The following MRPL46 variants were observed in gnomAD, a reference collection of about 807,000 sequenced individuals.
MRPL46 encodes large ribosomal subunit protein mL46.
MRPL46 carries 26 observed loss-of-function variants against 31.0 expected under a neutral mutation model. That is an observed-to-expected ratio of 0.84 (90% CI 0.61 to 1.16). The LOEUF (loss-of-function observed/expected upper bound fraction) is 1.16. MRPL46 is among the 50% of genes most tolerant of loss of function. The pLI is 0.00. For synonymous variants in MRPL46, 159 were observed against 141.3 expected (o/e 1.13, Z -0.89); for missense variants, 395 against 340.0 (o/e 1.16, Z -1.27).
In MRPL46 at chr15:88,463,319, T is replaced by C. The variant is rs1053774400; in HGVS notation, c.589+1384A>G. 1 of 152,212 alleles carries C rather than the reference T, an allele frequency of 6.6e-6. No homozygotes were observed. Among genetic ancestry groups the C allele is most frequent in the Non-Finnish European group, 1.5e-5 (1 of 68,036 alleles). The allele number at this position is 152,212 out of a possible 1,614,324, so 9.4% of individuals were successfully genotyped here. ...ATCCATTTAGTCAACATTCAACAAATGCCTATGTGCCAGGTACTTTGCTGA... is the reference window on the plus strand; with the variant it reads ...ATCCATTTAGTCAACATTCAACAAACGCCTATGTGCCAGGTACTTTGCTGA... On this transcript the variant is annotated intron_variant, in intron 3 of 3. Transcript: ENST00000312475. The surrounding 1 kb of genome is among the most constrained non-coding windows in gnomAD (Gnocchi z 5.4).
Position 88,459,838 on chromosome 15 carries a change from T to C in MRPL46, c.615A>G (p.Leu205=). ...LSENNMEAKF[L]GNAPCGHYTF... is the part of the protein sequence containing the mutation. ...TGTAGTGCCCACAGGGTGCATTTCC[T>C]AGGAACTTGGCTTCCATGTTGTTTT... Residue 205 remains leucine, a synonymous_variant, in exon 4 of 4, where the codon CTA becomes CTG. Coordinates refer to ENST00000312475, the MANE Select transcript of MRPL46 (RefSeq NM_022163.4). The C allele has an allele frequency of 1.9e-6, 3 of 1,614,096 alleles. No individual in the cohort carries two copies. Among genetic ancestry groups the C allele is most frequent in the East Asian group, 2.2e-5 (1 of 44,866 alleles).
Position 88,459,643 on chromosome 15 carries a change from G to C in MRPL46, c.810C>G (p.Ala270=), listed in dbSNP as rs201666039. ...GGTCTGAAACAAACCTCCTAACTTG[G>C]GCCAGGTATTTTGGTTTCAAATAGT... ...LGDYLKPKYL[A]QVRRFVSDL The change falls in exon 4 of 4, where the codon GCC becomes GCG. Residue 270 remains alanine (A), a synonymous_variant. Transcript: ENST00000312475. 6.2e-7 allele frequency: 1 copy of C among 1,614,106 alleles called. No homozygotes were observed. The highest frequency in any genetic ancestry group is 1.3e-5 in the African/African-American group (1 of 75,004).
chr15:88,460,215 G>A (rs895290427), intron 3 of MRPL46: 1 of 248,870 alleles, frequency 4.0e-6, no homozygotes, highest in Admixed American at 5.1e-5. Context: ...CTATGCTGGC[G>A]AATCAGCCCA....
chr15:88,464,366 C>T (rs567627457), intron 3 of MRPL46: 67 of 271,534 alleles, frequency 2.5e-4, no homozygotes, highest in Admixed American at 3.3e-4. Flanking sequence ...TCTGAGGTTT[C>T]AAGTTGAGTG....
rs1472916409 is a variant in MRPL46, at chr15:88,459,744, G to A, written c.709C>T (p.Leu237=). ...TGGGAAAAGTCTCCAGTTAATAGCA[G>A]TGCTTTGAAGAAGAACACCTTGGCT... ...LGAKVFFFKA[L]LLTGDFSQAG... The change falls in exon 4 of 4, where the codon CTG becomes TTG. Residue 237 remains leucine (L), a synonymous_variant. Transcript: ENST00000312475. 1.2e-6 allele frequency: 2 copies of A among 1,614,106 alleles called. No individual in the cohort carries two copies. The highest frequency in any genetic ancestry group is 1.7e-6 in the Non-Finnish European group (2 of 1,180,058).
intron 1 of MRPL46, 76 bp downstream of exon 1, chr15:88,467,074 A>G: frequency 6.6e-7 from 1 of 1,506,172 alleles, no homozygotes; most frequent in African/African-American, 1.4e-5. Context: ...CGTATACTTA[A>G]GTTCAGAGAG....
Position 88,465,825 on chromosome 15 carries a change from GAA to G in MRPL46, c.229-54_229-53del, listed in dbSNP as rs201677695. 4 of 1,305,386 alleles carry G rather than the reference GAA, an allele frequency of 3.1e-6. No homozygotes were observed. The African/African-American group carries it at 4.6e-5, about 15-fold the overall frequency. 80.9% of individuals were successfully genotyped at this position (1,305,386 alleles called of 1,614,324 possible). ...TACCTTAATCTGGCAAAATTAAAAGGAAAAAAAAAACAGGAAGAATAAAACAG... is the reference window on the plus strand; with the variant it reads ...TACCTTAATCTGGCAAAATTAAAAGGAAAAAAAACAGGAAGAATAAAACAG... On this transcript the variant is annotated intron_variant, in intron 1 of 3. Coordinates refer to ENST00000312475, the MANE Select transcript of MRPL46 (RefSeq NM_022163.4).
At chr15:88,459,984 T>C in intron 3 of MRPL46, 121 bp from the exon 4 acceptor site, 1 of 1,254,028 alleles carries the variant, frequency 8.0e-7, no homozygotes, top group Non-Finnish European at 1.1e-6. Flanking sequence ...AATCAATCCC[T>C]AGGAATAGGA....
intron 3 of MRPL46, 130 bp from the exon 4 acceptor site, chr15:88,459,993 G>A: frequency 8.7e-7 from 1 of 1,146,286 alleles, no homozygotes; most frequent in South Asian, 1.6e-5. Flanking sequence ...CTAGGAATAG[G>A]ACTAGAGCCA....
chr15:88,467,334 C>G lies in MRPL46; in HGVS notation c.44G>C (p.Gly15Ala). The G allele has an allele frequency of 6.2e-7, 1 of 1,601,680 alleles. No individual in the cohort carries two copies. Among genetic ancestry groups the G allele is most frequent in the South Asian group, 1.1e-5 (1 of 89,616 alleles). Reference sequence around the variant, plus strand: ...CCAGAGCCTCTCGAACCGCCGCCAACCCCCCGCCACCCCTAACAGCGTCCG... The same window carrying G: ...CCAGAGCCTCTCGAACCGCCGCCAAGCCCCCGCCACCCCTAACAGCGTCCG... ...VRRTLLGVAGGWRRFERLWAG... is the reference protein window; with the variant it reads ...VRRTLLGVAGAWRRFERLWAG... Residue 15 changes from glycine (G) to alanine (A), a missense_variant, in exon 1 of 4, where the codon GGT (glycine) becomes GCT (alanine). Transcript: ENST00000312475.
chr15:88,467,278 G>A lies in MRPL46; in HGVS notation c.100C>T (p.Leu34Phe), dbSNP rs1158980179. The A allele has an allele frequency of 1.2e-6, 2 of 1,613,678 alleles. No homozygotes were observed. The highest frequency in any genetic ancestry group is 3.3e-5 in the Admixed American group (2 of 60,004). ...CCGTTGCTTGAGGGTGCGGCTGCAA[G>A]AGCCAGGCTGCGAGAGCTTAGACTG... The part of the protein sequence containing the change: ...AGSLSSRSLA[L>F]AAAPSSNGSP... Residue 34 changes from leucine to phenylalanine, a missense_variant, in exon 1 of 4, where the codon CTT becomes TTT. Leu to Phe is a conservative substitution (Grantham distance 22). Coordinates refer to ENST00000312475, the MANE Select transcript of MRPL46 (RefSeq NM_022163.4).
intron 3 of MRPL46, chr15:88,461,836 A>C (rs1359600398): frequency 1.3e-5 from 2 of 152,262 alleles, no homozygotes; most frequent in Admixed American, 1.3e-4. Flanking sequence ...AACAAACTGC[A>C]GTACATACAT....
intron 3 of MRPL46, 178 bp from the exon 4 acceptor site, chr15:88,460,041 C>A: frequency 1.4e-6 from 1 of 723,178 alleles, no homozygotes; most frequent in Non-Finnish European, 2.2e-6. Context: ...AATCCAAATG[C>A]CTCCTGGCCC....
At chr15:88,466,991 G>A (rs1335825251) in intron 1 of MRPL46, among the ~76,000 whole-genome samples, 159 bp downstream of exon 1, 1 of 152,196 alleles carries the variant, frequency 6.6e-6, no homozygotes, top group Non-Finnish European at 1.5e-5. Flanking sequence ...CCAATGAAAA[G>A]AAACCACTTT....
chr15:88,461,520 T>C (rs2055477306), intron 3 of MRPL46: 1 of 152,252 alleles, frequency 6.6e-6, no homozygotes, highest in African/African-American at 2.4e-5. Context: ...TCAAACTTAT[T>C]AATAATTTAA....
rs529979683 is a variant in MRPL46, at chr15:88,467,220, A to T, written c.158T>A (p.Leu53Gln). The T allele has an allele frequency of 6.2e-7, 1 of 1,614,118 alleles. No homozygotes were observed. Among genetic ancestry groups the T allele is most frequent in the Non-Finnish European group, 8.5e-7 (1 of 1,180,012 alleles). The change falls in exon 1 of 4, where the codon CTG becomes CAG. Residue 53 changes from leucine (L) to glutamine (Q), a missense_variant. Physicochemically the swap from Leu to Gln is moderately radical, Grantham distance 113. Transcript: ENST00000312475. ...SPWRLLGALC[L>Q]QRPPVVSKPL... is the part of the protein sequence containing the mutation. ...CTTGGAGACTACAGGTGGCCGCTGC[A>T]GGCACAACGCGCCCAACAAGCGCCA...
In MRPL46 at chr15:88,463,531, T is replaced by C. The variant is rs1567039951; in HGVS notation, c.589+1172A>G. 1 of 152,206 alleles carries C rather than the reference T, an allele frequency of 6.6e-6. No homozygotes were observed. Among genetic ancestry groups the C allele is most frequent in the African/African-American group, 2.4e-5 (1 of 41,454 alleles). The allele number at this position is 152,206 out of a possible 1,614,324, so 9.4% of individuals were successfully genotyped here. A position where few individuals can be genotyped will look rare whatever the true frequency, so the allele number is the denominator to read the frequency against. ...TCCTGTTCATCACTGAGACCCTATA[T>C]GTCTGTTGCATAAATGGAATAAGGA... On this transcript the variant is annotated intron_variant, in intron 3 of 3. Transcript: ENST00000312475. This position sits in a 1 kb window ranked among gnomAD's most constrained non-coding sequence, Gnocchi z 5.4.
At chr15:88,466,202 C>G (rs1213466584) in intron 1 of MRPL46, among the ~76,000 whole-genome samples, 2 of 152,208 alleles carry the variant, frequency 1.3e-5, no homozygotes, top group Non-Finnish European at 2.9e-5. Context: ...ACTCATCTTT[C>G]TGATTTCAAT....
chr15:88,466,635 A>T (rs1177196707), intron 1 of MRPL46, among the ~76,000 whole-genome samples: 1 of 152,252 alleles, frequency 6.6e-6, no homozygotes, highest in Non-Finnish European at 1.5e-5. Context: ...AGACAAAAAC[A>T]TCTCGGATTC....
Sources: allele counts gnomAD v4.1 joint callset (sites outside exome capture counted in the v4.1 genomes callset), GRCh38; gene constraint gnomAD v4.1.1; non-coding constraint Gnocchi (gnomAD v3.1); transcripts MANE v1.5; gene names NCBI Gene and HGNC (gene_info 2026-07-23, HGNC 2026-07-21).